Variants in TP73 observed in about 807,000 individuals in gnomAD.
The protein encoded by TP73 is tumor protein p73.
TP73 carries 25 observed loss-of-function variants against 62.5 expected under a neutral mutation model. That is an observed-to-expected ratio of 0.40 (90% CI 0.29 to 0.56). The LOEUF (loss-of-function observed/expected upper bound fraction) is 0.56. Among genes scored for constraint, TP73 ranks in the 20% least tolerant of loss-of-function variants. The pLI is 0.46. For synonymous variants in TP73, 423 were observed against 377.5 expected (o/e 1.12, Z -1.40); for missense variants, 754 against 913.3 (o/e 0.83, Z 2.25).
At chr1:3,684,887 T>C (rs1570437665) in intron 3 of TP73, among the ~76,000 whole-genome samples, 3 of 151,574 alleles carry the variant, frequency 2.0e-5, no homozygotes, top group East Asian at 3.9e-4. Context: ...TGGGGCCGGG[T>C]AGTGCAAGAA....
chr1:3,705,224 C>G (rs935086669), intron 3 of TP73, among the ~76,000 whole-genome samples: 6 of 152,224 alleles, frequency 3.9e-5, no homozygotes, highest in Non-Finnish European at 7.3e-5. Context: ...GGCTTATCCA[C>G]GTGGCAGCGT....
intron 4 of TP73, among the ~76,000 whole-genome samples, chr1:3,712,714 G>T (rs370703486): frequency 6.6e-6 from 1 of 152,174 alleles, no homozygotes; most frequent in African/African-American, 2.4e-5. Flanking sequence ...GATTAGTAGC[G>T]TTGGCAGCAG....
chr1:3,671,619 TG>T (rs1645242565), intron 1 of TP73, among the ~76,000 whole-genome samples: 1 of 152,216 alleles, frequency 6.6e-6, no homozygotes, highest in Non-Finnish European at 1.5e-5. Flanking sequence ...AAGCCAGCTG[TG>T]GTGCTTCTGA....
At position 3,674,684 on chromosome 1, in the gene TP73, C is replaced by T. The variant is rs565115635; in HGVS notation, c.-33-7649C>T. 1.6e-4 allele frequency among the ~76,000 whole-genome samples: 25 copies of T among 152,352 alleles called. 1 individual carries two copies. The South Asian group carries it at 2.5e-3, about 15-fold the overall frequency. On this transcript the variant is annotated intron_variant, in intron 1 of 13. Transcript: ENST00000378295. ...AGGGAGGCCCTCCTGGCCCTCACTC[C>T]GGGGGACCCCTGTCCTTGGCCCCAG...
intron 11 of TP73, 91 bp downstream of exon 11, chr1:3,730,239 C>G: frequency 1.5e-6 from 2 of 1,354,776 alleles, no homozygotes; most frequent in African/African-American, 2.9e-5. Context: ...GCTCGGGACC[C>G]AGGGCAGGTG....
At position 3,666,463 on chromosome 1, in the gene TP73, T is replaced by C. The variant is rs2102029826; in HGVS notation, c.-34+13822T>C. Among the ~76,000 whole-genome samples the C allele has an allele frequency of 6.6e-6, 1 of 152,354 alleles. No homozygotes were observed. The highest frequency in any genetic ancestry group is 1.5e-5 in the Non-Finnish European group (1 of 68,034). On this transcript the variant is annotated intron_variant, in intron 1 of 13. Coordinates refer to ENST00000378295, the MANE Select transcript of TP73 (RefSeq NM_005427.4). This position sits in a 1 kb window ranked among gnomAD's most constrained non-coding sequence, Gnocchi z 6.4. ...TATTGACAGTTTCACTTCTGCGGCA[T>C]GCCCTCAGGAACTCACTGATGCACA...
intron 3 of TP73, among the ~76,000 whole-genome samples, chr1:3,692,113 G>T (rs1645855913): frequency 6.6e-6 from 1 of 152,206 alleles, no homozygotes; most frequent in Admixed American, 6.5e-5. Context: ...TTGCCTGTGT[G>T]TTGTGGTGTG....
chr1:3,685,568 A>G (rs1314156829), intron 3 of TP73, among the ~76,000 whole-genome samples: 1 of 152,204 alleles, frequency 6.6e-6, no homozygotes, highest in Non-Finnish European at 1.5e-5. Context: ...CTGCTGGGCC[A>G]AGAGCATGCT....
At chr1:3,726,834 T>TGGGTGGGTGGATGGATG (rs1641673506) in intron 6 of TP73, among the ~76,000 whole-genome samples, 1 of 139,058 alleles carries the variant, frequency 7.2e-6, no homozygotes, top group Non-Finnish European at 1.6e-5. Flanking sequence ...GATGGATAGA[T>TGGGTGGGTGGATGGATG]GGGTGGGTGG....
chr1:3,726,182 A>G (rs1641561078), intron 6 of TP73, among the ~76,000 whole-genome samples: 1 of 98,818 alleles, frequency 1.0e-5, no homozygotes, highest in African/African-American at 4.0e-5. Context: ...ATAGATAATA[A>G]ATGGGGGGAG....
chr1:3,732,800 C>A lies in TP73; in HGVS notation c.1632C>A (p.Gly544=), dbSNP rs1321388702. ...AGTACCGCATGACCATCTGGCGGGG[C>A]CTGCAGGACCTGAAGCAGGGCCACG... ...PEQYRMTIWR[G]LQDLKQGHDY... Residue 544 remains glycine (G), a synonymous_variant, in exon 14 of 14, where the codon GGC becomes GGA. Coordinates refer to ENST00000378295, the MANE Select transcript of TP73 (RefSeq NM_005427.4). 4 of 1,605,924 alleles carry A rather than the reference C, an allele frequency of 2.5e-6. No homozygotes were observed. Among genetic ancestry groups the A allele is most frequent in the Non-Finnish European group, 3.4e-6 (4 of 1,174,892 alleles).
intron 3 of TP73, chr1:3,690,765 C>T: frequency 1.4e-6 from 2 of 1,479,356 alleles, no homozygotes; most frequent in Non-Finnish European, 1.8e-6. Flanking sequence ...GCTCCTGCCT[C>T]ACTAGCTGCG....
intron 3 of TP73, among the ~76,000 whole-genome samples, chr1:3,684,006 T>A (rs1250364545): frequency 2.0e-5 from 3 of 152,192 alleles, no homozygotes; most frequent in Admixed American, 1.3e-4. Flanking sequence ...GCTGCTCCTC[T>A]GGGGGAAAAG....
chr1:3,690,938 C>T lies in TP73; in HGVS notation c.186+7758C>T, dbSNP rs377172947. The T allele has an allele frequency of 2.5e-5, 39 of 1,579,294 alleles. No individual in the cohort carries two copies. The African/African-American group carries it at 4.0e-4, about 16-fold the overall frequency. On this transcript the variant is annotated intron_variant, in intron 3 of 13. Coordinates refer to ENST00000378295, the MANE Select transcript of TP73 (RefSeq NM_005427.4). Reference sequence around the variant, plus strand: ...ACGTCGGTGACCCCGCACGGCACCTCGCCACGGTAGGTGTGACGCGCCATT... The same window carrying T: ...ACGTCGGTGACCCCGCACGGCACCTTGCCACGGTAGGTGTGACGCGCCATT...
In TP73 at chr1:3,722,197, C is replaced by T; in HGVS notation, c.606C>T (p.Asp202=). 1 of 1,612,584 alleles carries T rather than the reference C, an allele frequency of 6.2e-7. No homozygotes were observed. Among genetic ancestry groups the T allele is most frequent in the Non-Finnish European group, 8.5e-7 (1 of 1,179,810 alleles). ...KRCPNHELGR[D]FNEGQSAPAS... ...GCCCCAACCACGAGCTCGGGAGGGA[C>T]TTCAACGAAGGTGAGGGCCCCCAGC... The change falls in exon 5 of 14, where the codon GAC becomes GAT. Residue 202 remains aspartate, a synonymous_variant. Coordinates refer to ENST00000378295, the MANE Select transcript of TP73 (RefSeq NM_005427.4).
In TP73 at chr1:3,734,609, C is replaced by T. The variant is rs901733332; in HGVS notation, c.*1530C>T. The T allele has an allele frequency of 6.6e-6, 1 of 152,344 alleles. No individual in the cohort carries two copies. The highest frequency in any genetic ancestry group is 2.4e-5 in the African/African-American group (1 of 41,450). 9.4% of individuals were successfully genotyped at this position (152,344 alleles called of 1,614,324 possible). On this transcript the variant is annotated 3_prime_UTR_variant, in exon 14 of 14. Transcript: ENST00000378295. The surrounding 1 kb of genome is among the most constrained non-coding windows in gnomAD (Gnocchi z 4.4). ...ATCTCCCAGAAAAAGCAGTTAAGCCCCTCAGGGCACAGCAAGGTTAGACAC... is the reference window on the plus strand; with the variant it reads ...ATCTCCCAGAAAAAGCAGTTAAGCCTCTCAGGGCACAGCAAGGTTAGACAC...
chr1:3,707,967 C>A, intron 4 of TP73, 176 bp downstream of exon 4: 1 of 1,041,788 alleles, frequency 9.6e-7, no homozygotes, highest in Non-Finnish European at 1.4e-6. Context: ...GCCGGGCAGT[C>A]TGGGTGTGCC....
chr1:3,731,338 G>T, intron 12 of TP73, 125 bp from the exon 13 acceptor site: 1 of 1,084,560 alleles, frequency 9.2e-7, no homozygotes. Context: ...CCACCTGTGG[G>T]CTGGAGCCAC....
intron 2 of TP73, 46 bp from the exon 3 acceptor site, chr1:3,683,014 A>C (rs1258440989): frequency 1.3e-6 from 2 of 1,573,218 alleles, no homozygotes; most frequent in Non-Finnish European, 1.7e-6. Flanking sequence ...TTGGGGTGAC[A>C]CCCAAACTGG....
Sources: gnomAD v4.1 joint callset for allele counts (sites outside exome capture counted in the v4.1 genomes callset) on GRCh38, gnomAD v4.1.1 for gene constraint, Gnocchi (gnomAD v3.1) non-coding constraint, MANE v1.5 for transcripts, NCBI Gene and HGNC (gene_info 2026-07-23, HGNC 2026-07-21) for gene names.